Variants in DERL1 observed in about 807,000 individuals in gnomAD.
The protein encoded by DERL1 is derlin 1.
A neutral mutation model predicts 41.6 loss-of-function variants in DERL1; 24 were observed. The ratio of observed to expected loss-of-function variants is 0.58; its 90% CI spans 0.42 to 0.81. The LOEUF is 0.81. Among genes scored for constraint, DERL1 ranks in the 30% least tolerant of loss-of-function variants. DERL1 has a pLI of 0.00. For missense variants in DERL1, 260 were observed against 314.3 expected, an observed-to-expected ratio of 0.83 and a Z score of 1.31; for synonymous variants, 124 against 112.5, an observed-to-expected ratio of 1.10 and a Z score of -0.65.
Position 123,022,794 on chromosome 8 carries a change from G to A in DERL1, c.358-15C>T, listed in dbSNP as rs16897891. 5,138 of 1,612,198 alleles carry A rather than the reference G, an allele frequency of 3.2e-3. 133 individuals carry two copies. The African/African-American group carries it at 0.06, about 19-fold the overall frequency. On this transcript the variant is annotated splice_polypyrimidine_tract_variant and intron_variant, in intron 4 of 7. Transcript: ENST00000259512. ...ATCATCAGCAACTGCAAAAGAAGTC[G>A]ACATGTAAAAACCAGGCTCCAGAGG...
intron 7 of DERL1, chr8:123,016,604 G>A (rs1281396427): frequency 6.6e-6 from 1 of 152,150 alleles, no homozygotes; most frequent in Non-Finnish European, 1.5e-5. Flanking sequence ...CATGAGGTAG[G>A]CATTACTATT....
chr8:123,041,854 G>T (rs900448728), intron 1 of DERL1, 116 bp downstream of exon 1: 22 of 1,381,402 alleles, frequency 1.6e-5, no homozygotes, highest in East Asian at 2.6e-5. Context: ...CGCCGGCGCC[G>T]GACCCACTAC....
chr8:123,030,757 G>T, intron 1 of DERL1, 41 bp from the exon 2 acceptor site: 1 of 1,393,696 alleles, frequency 7.2e-7, no homozygotes, highest in Non-Finnish European at 1.0e-6. Flanking sequence ...GTTTCTGTAA[G>T]CCTGGTTATT....
intron 1 of DERL1, 40 bp downstream of exon 1, chr8:123,041,929 TG>T (rs1469165726): frequency 6.5e-7 from 1 of 1,546,178 alleles, no homozygotes; most frequent in East Asian, 2.4e-5. Flanking sequence ...CTGGGCCTCC[TG>T]GGGCCTGTAG....
At chr8:123,022,014 T>G (rs1812559513) in intron 5 of DERL1, among the ~76,000 whole-genome samples, 1 of 152,176 alleles carries the variant, frequency 6.6e-6, no homozygotes, top group African/African-American at 2.4e-5. Flanking sequence ...AACTCAACAT[T>G]TGAGCCCCTT....
chr8:123,037,729 T>C (rs545219918), intron 1 of DERL1, among the ~76,000 whole-genome samples: 1 of 152,152 alleles, frequency 6.6e-6, no homozygotes, highest in Non-Finnish European at 1.5e-5. Context: ...CTCAACGAAA[T>C]AGAAACTGAA....
At position 123,042,123 on chromosome 8, in the gene DERL1, C is replaced by A; in HGVS notation, c.-1G>T. 1.2e-6 allele frequency: 2 copies of A among 1,606,270 alleles called. No homozygotes were observed. Among genetic ancestry groups the A allele is most frequent in the East Asian group, 2.2e-5 (1 of 44,564 alleles). ...TGAACCAGTCTCCGATGTCCGACAT[C>A]TTCGACCCACAGGTAGCCAAGATGC... On this transcript the variant is annotated 5_prime_UTR_variant, in exon 1 of 8. Transcript: ENST00000259512.
At chr8:123,032,863 C>CTTTTTTTTTTTTTTTTTTTTTTTTTTTTT (rs200724608) in intron 1 of DERL1, among the ~76,000 whole-genome samples, 1 of 122,070 alleles carries the variant, frequency 8.2e-6, no homozygotes, top group Non-Finnish European at 1.7e-5. Context: ...TTTCTATTTT[C>CTTTTTTTTTTTTTTTTTTTTTTTTTTTTT]TTTTTTTTTT....
intron 1 of DERL1, among the ~76,000 whole-genome samples, chr8:123,039,200 A>G (rs146046172): frequency 1.1e-3 from 174 of 152,208 alleles, no homozygotes; most frequent in African/African-American, 4.1e-3. Context: ...AACTGGATTC[A>G]TCTCTCTGAT....
chr8:123,018,996 A>T, intron 7 of DERL1, 199 bp downstream of exon 7: 1 of 595,556 alleles, frequency 1.7e-6, no homozygotes, highest in Non-Finnish European at 3.0e-6. Flanking sequence ...TGGCTAAAAG[A>T]GTAACAGGAA....
intron 1 of DERL1, among the ~76,000 whole-genome samples, chr8:123,039,344 T>A (rs1008467886): frequency 7.9e-5 from 12 of 152,144 alleles, no homozygotes; most frequent in Admixed American, 3.9e-4. Flanking sequence ...AAAATAAAGT[T>A]CAAACCTCTT....
chr8:123,036,239 A>G (rs1812925267), intron 1 of DERL1, among the ~76,000 whole-genome samples: 1 of 152,208 alleles, frequency 6.6e-6, no homozygotes, highest in African/African-American at 2.4e-5. Context: ...AAACTGCCCA[A>G]AAGGTCCATT....
At chr8:123,038,283 G>A (rs1192799326) in intron 1 of DERL1, among the ~76,000 whole-genome samples, 2 of 152,268 alleles carry the variant, frequency 1.3e-5, no homozygotes, top group African/African-American at 4.8e-5. Flanking sequence ...AAAGCACACC[G>A]CACACTGTCC....
At chr8:123,034,093 C>T (rs906182628) in intron 1 of DERL1, among the ~76,000 whole-genome samples, 1 of 152,170 alleles carries the variant, frequency 6.6e-6, no homozygotes, top group African/African-American at 2.4e-5. Context: ...CCAAGAATTG[C>T]AAGAGCACAA....
Position 123,022,722 on chromosome 8 carries a change from C to G in DERL1, c.415G>C (p.Asp139His). The change falls in exon 5 of 8, where the codon GAC (aspartate) becomes CAC (histidine). Residue 139 changes from aspartate to histidine, a missense_variant. Asp to His is a moderately conservative substitution (Grantham distance 81). Transcript: ENST00000259512. ...VLYVWAQLNRDMIVSFWFGTR... is the reference protein window; with the variant it reads ...VLYVWAQLNRHMIVSFWFGTR... ...CCAAACCAAAATGATACAATCATGT[C>G]TCTGTTCAGCTGGGCCCAGACATAA... is the stretch of plus-strand genomic sequence containing the variant. 1 of 1,614,130 alleles carries G rather than the reference C, an allele frequency of 6.2e-7. No individual in the cohort carries two copies.
At chr8:123,036,447 A>G (rs781193814) in intron 1 of DERL1, among the ~76,000 whole-genome samples, 109 of 152,226 alleles carry the variant, frequency 7.2e-4, no homozygotes, top group Non-Finnish European at 1.1e-3. Flanking sequence ...GAGCATAGTC[A>G]CCCTTAGAGA....
In DERL1 at chr8:123,015,509, C is replaced by A. The variant is rs1814541354; in HGVS notation, c.694G>T (p.Asp232Tyr). Residue 232 changes from aspartate (D) to tyrosine (Y), a missense_variant, in exon 8 of 8, where the codon GAT becomes TAT. By Grantham distance (160) the Asp-to-Tyr change is radical. Coordinates refer to ENST00000259512, the MANE Select transcript of DERL1 (RefSeq NM_024295.6). ...TGTCTCCCGCCTCCGCCATTCTGATCAGCAGCTCGCCTCATGCTAGCAGGG... is the reference window on the plus strand; with the variant it reads ...TGTCTCCCGCCTCCGCCATTCTGATAAGCAGCTCGCCTCATGCTAGCAGGG... The part of the protein sequence containing the change: ...VPPASMRRAA[D>Y]QNGGGGRHNW... 6.2e-7 allele frequency: 1 copy of A among 1,613,438 alleles called. No homozygotes were observed. Among genetic ancestry groups the A allele is most frequent in the African/African-American group, 1.3e-5 (1 of 74,890 alleles).
intron 2 of DERL1, among the ~76,000 whole-genome samples, chr8:123,027,800 G>T (rs534074342): frequency 6.6e-6 from 1 of 152,110 alleles, no homozygotes; most frequent in African/African-American, 2.4e-5. Flanking sequence ...AGTGGCTCAC[G>T]CCTGTAATCC....
chr8:123,032,325 G>A (rs770910222), intron 1 of DERL1, among the ~76,000 whole-genome samples: 3 of 152,026 alleles, frequency 2.0e-5, no homozygotes, highest in Admixed American at 6.6e-5. Flanking sequence ...TGTAGATACA[G>A]GGTCTCCTGA....
Sources: gnomAD v4.1 joint callset for allele counts (sites outside exome capture counted in the v4.1 genomes callset) on GRCh38, gnomAD v4.1.1 for gene constraint, MANE v1.5 for transcripts, NCBI Gene and HGNC (gene_info 2026-07-23, HGNC 2026-07-21) for gene names.